The following DOCK3 variants were observed in gnomAD, a reference collection of about 807,000 sequenced individuals.
The protein encoded by DOCK3 is dedicator of cytokinesis protein 3.
Under a neutral mutation model 265.6 loss-of-function variants are expected in DOCK3, and 60 were observed. The ratio of observed to expected loss-of-function variants is 0.23; its 90% CI spans 0.18 to 0.28. DOCK3 has a LOEUF of 0.28. Ranked by LOEUF, DOCK3 falls within the 10% of genes least tolerant of loss-of-function variation. DOCK3 has a pLI of 1.00. For missense variants in DOCK3, 1,981 were observed against 2,594.3 expected, an observed-to-expected ratio of 0.76 and a Z score of 5.14; for synonymous variants, 881 against 938.0, an observed-to-expected ratio of 0.94 and a Z score of 1.11.
At chr3:51,306,233 A>C (rs989961826) in intron 27 of DOCK3, among the ~76,000 whole-genome samples, 1 of 151,592 alleles carries the variant, frequency 6.6e-6, no homozygotes, top group Non-Finnish European at 1.5e-5. Flanking sequence ...TTCATTTCAG[A>C]CTTTGAATAT....
chr3:50,998,709 A>G (rs960703600), intron 5 of DOCK3, among the ~76,000 whole-genome samples: 11 of 152,240 alleles, frequency 7.2e-5, no homozygotes, highest in Non-Finnish European at 2.9e-5. Flanking sequence ...TCCAGATTCT[A>G]AATAAACAAT....
chr3:51,317,158 GTTC>G, intron 32 of DOCK3, among the ~76,000 whole-genome samples: 1 of 151,234 alleles, frequency 6.6e-6, no homozygotes, highest in Middle Eastern at 3.4e-3. Context: ...GATGGATCAG[GTTC>G]TTTTTTTTAT....
intron 3 of DOCK3, among the ~76,000 whole-genome samples, chr3:50,879,947 C>T (rs1407645430): frequency 6.6e-6 from 1 of 152,174 alleles, no homozygotes; most frequent in Non-Finnish European, 1.5e-5. Context: ...GACCACAGTG[C>T]AATCAAACTA....
chr3:50,958,984 A>C (rs1456221876), intron 5 of DOCK3, among the ~76,000 whole-genome samples: 3 of 152,208 alleles, frequency 2.0e-5, no homozygotes, highest in Non-Finnish European at 4.4e-5. Context: ...GTCAATTTAC[A>C]AAGTAGGGCT....
At chr3:51,136,226 C>T (rs2084787661) in intron 9 of DOCK3, among the ~76,000 whole-genome samples, 1 of 151,736 alleles carries the variant, frequency 6.6e-6, no homozygotes, top group South Asian at 2.1e-4. Context: ...GTCGGTGCCC[C>T]CCGCCACCTT....
chr3:50,700,098 G>A lies in DOCK3; in HGVS notation c.37+24798G>A, dbSNP rs530519064. 1.4e-4 allele frequency among the ~76,000 whole-genome samples: 21 copies of A among 152,180 alleles called. No homozygotes were observed. In the South Asian group the frequency reaches 4.1e-3, roughly 30 times the overall value. ...GTTCGAGACCAGTCTGGCCAACATG[G>A]TGAAACCCCCGTCTCTACTAAAAAT... On this transcript the variant is annotated intron_variant, in intron 1 of 52. Transcript: ENST00000266037.
rs1051387734 is a variant in DOCK3, at chr3:50,965,383, AAG to A, written c.315+31309_315+31310del. ...AGCATTCACCTTAGGAAAACGGAAA[AAG>A]AGCAAATTAATTCCTAAGTAAATAG... On this transcript the variant is annotated intron_variant, in intron 5 of 52. Transcript: ENST00000266037. 4.4e-4 allele frequency among the ~76,000 whole-genome samples: 66 copies of A among 150,104 alleles called. 1 individual carries two copies. Among genetic ancestry groups the A allele is most frequent in the African/African-American group, 1.6e-3 (66 of 41,418 alleles).
At position 51,361,720 on chromosome 3, in the gene DOCK3, G is replaced by C; in HGVS notation, c.5007-139G>C. ...TCAGGACTGCTCCAGGCCTCAGATGGGTATGAGCATTGACTATGGAACCCT... is the reference window on the plus strand; with the variant it reads ...TCAGGACTGCTCCAGGCCTCAGATGCGTATGAGCATTGACTATGGAACCCT... On this transcript the variant is annotated intron_variant, in intron 47 of 52. Coordinates refer to ENST00000266037, the MANE Select transcript of DOCK3 (RefSeq NM_004947.5). This position sits in a 1 kb window ranked among gnomAD's most constrained non-coding sequence, Gnocchi z 4.2. 2 of 1,168,254 alleles carry C rather than the reference G, an allele frequency of 1.7e-6. No individual in the cohort carries two copies. The highest frequency in any genetic ancestry group is 3.1e-5 in the African/African-American group (2 of 64,866). 72.4% of individuals were successfully genotyped at this position (1,168,254 alleles called of 1,614,324 possible).
chr3:51,146,802 A>C (rs2085322198), intron 10 of DOCK3, among the ~76,000 whole-genome samples, 172 bp downstream of exon 10: 1 of 152,178 alleles, frequency 6.6e-6, no homozygotes, highest in African/African-American at 2.4e-5. Flanking sequence ...TAGAAAACTG[A>C]AATTATATAC....
chr3:50,831,211 T>G (rs557410532), intron 2 of DOCK3, among the ~76,000 whole-genome samples: 2 of 150,482 alleles, frequency 1.3e-5, no homozygotes, highest in Admixed American at 6.6e-5. Flanking sequence ...ATTTATTTAT[T>G]TATTTATTTA....
chr3:51,136,050 A>G (rs2084779333), intron 9 of DOCK3, among the ~76,000 whole-genome samples: 1 of 151,988 alleles, frequency 6.6e-6, no homozygotes, highest in African/African-American at 2.4e-5. Context: ...TCCCCATACA[A>G]TAAGCTACAT....
intron 22 of DOCK3, 84 bp from the exon 23 acceptor site, chr3:51,260,072 G>T (rs1004621266): frequency 7.2e-7 from 1 of 1,383,232 alleles, no homozygotes; most frequent in Non-Finnish European, 9.8e-7. Context: ...AGAAACTGCT[G>T]TTACTTTGCC....
intron 1 of DOCK3, among the ~76,000 whole-genome samples, chr3:50,753,538 CT>C (rs1281481968): frequency 6.6e-6 from 1 of 151,944 alleles, no homozygotes; most frequent in African/African-American, 2.4e-5. Context: ...TTTTAGTTTA[CT>C]TTTTGTAGAG....
At chr3:50,927,048 G>C (rs1002157002) in intron 4 of DOCK3, among the ~76,000 whole-genome samples, 3 of 152,206 alleles carry the variant, frequency 2.0e-5, no homozygotes, top group Non-Finnish European at 2.9e-5. Flanking sequence ...GTGACTTCCT[G>C]TCACCCTGTA....
chr3:50,828,783 G>A (rs1311712973), intron 2 of DOCK3, among the ~76,000 whole-genome samples: 2 of 151,512 alleles, frequency 1.3e-5, no homozygotes, highest in East Asian at 1.9e-4. Context: ...GTGCCATCTC[G>A]GCTTACTGCA....
chr3:50,889,977 T>A, intron 3 of DOCK3, 49 bp from the exon 4 acceptor site: 1 of 1,330,554 alleles, frequency 7.5e-7, no homozygotes. Context: ...ATATGAAATG[T>A]TAATCACAAT....
At chr3:51,304,735 C>A (rs1560395747) in intron 27 of DOCK3, among the ~76,000 whole-genome samples, 2 of 152,208 alleles carry the variant, frequency 1.3e-5, no homozygotes, top group African/African-American at 2.4e-5. Context: ...CCATGTGGCT[C>A]CCAGGTGAGC....
intron 1 of DOCK3, among the ~76,000 whole-genome samples, chr3:50,735,520 TAG>T (rs1483830051): frequency 6.6e-6 from 1 of 152,066 alleles, no homozygotes; most frequent in African/African-American, 2.4e-5. Flanking sequence ...GTATTTTTAA[TAG>T]AGACAGGGTT....
intron 25 of DOCK3, among the ~76,000 whole-genome samples, chr3:51,276,145 C>T (rs2080807010): frequency 6.6e-6 from 1 of 152,104 alleles, no homozygotes; most frequent in African/African-American, 2.4e-5. Flanking sequence ...ATATTTTGTT[C>T]GAGCAGGGGA....
Sources: gnomAD v4.1 joint callset for allele counts (sites outside exome capture counted in the v4.1 genomes callset) on GRCh38, gnomAD v4.1.1 for gene constraint, Gnocchi (gnomAD v3.1) non-coding constraint, MANE v1.5 for transcripts, NCBI Gene and HGNC (gene_info 2026-07-23, HGNC 2026-07-21) for gene names.